The following DCPH1 variants were observed in gnomAD, a reference collection of about 807,000 sequenced individuals.
DCPH1 encodes damage control phosphatase 1.
the DCPH1 span, among the ~76,000 whole-genome samples, chr6:151,462,861 T>C: frequency 6.6e-6 from 1 of 152,180 alleles, no homozygotes; most frequent in African/African-American, 2.4e-5. Flanking sequence ...TAATGAATGG[T>C]TTGTTAATAA....
the DCPH1 span, chr6:151,454,529 G>T: frequency 8.6e-7 from 1 of 1,157,312 alleles, no homozygotes; most frequent in Non-Finnish European, 1.3e-6. Flanking sequence ...GTTATATATT[G>T]CATGTGACTC....
At chr6:151,462,083 G>A in the DCPH1 span, among the ~76,000 whole-genome samples, 2 of 152,178 alleles carry the variant, frequency 1.3e-5, no homozygotes, top group Admixed American at 6.5e-5. Context: ...ACATGCAATA[G>A]TCTGCCAGTC....
At chr6:151,454,253 G>T in the DCPH1 span, among the ~76,000 whole-genome samples, 1 of 152,116 alleles carries the variant, frequency 6.6e-6, no homozygotes, top group African/African-American at 2.4e-5. Context: ...ACTTTGCTAA[G>T]CGAGTTTCTG....
At chr6:151,460,891 A>G in the DCPH1 span, among the ~76,000 whole-genome samples, 1 of 152,174 alleles carries the variant, frequency 6.6e-6, no homozygotes, top group Admixed American at 6.5e-5. Flanking sequence ...GTAACTAGCA[A>G]TGTTCTAGTG....
At chr6:151,469,149 T>C in the DCPH1 span, 1 of 1,520,750 alleles carries the variant, frequency 6.6e-7, no homozygotes, top group East Asian at 2.3e-5. Context: ...AAAGATCTGG[T>C]GAGCACCTTT....
the DCPH1 span, chr6:151,454,451 G>A: frequency 5.9e-6 from 4 of 682,548 alleles, no homozygotes; most frequent in Admixed American, 5.4e-5. Context: ...GTTGTATGAG[G>A]AGTTTAATAT....
chr6:151,456,749 C>G, the DCPH1 span, among the ~76,000 whole-genome samples: 2 of 152,198 alleles, frequency 1.3e-5, no homozygotes, highest in South Asian at 2.1e-4. Context: ...CTCCTAGATT[C>G]CAGCAATTCT....
chr6:151,452,671 T>TC, the DCPH1 span: 1 of 1,364,332 alleles, frequency 7.3e-7, no homozygotes, highest in South Asian at 1.3e-5. Context: ...GGGCGCCCGC[T>TC]CCCCGGTGGG....
the DCPH1 span, chr6:151,468,461 T>C: frequency 1.7e-4 from 277 of 1,613,404 alleles, no homozygotes; most frequent in East Asian, 5.4e-3. Context: ...TTGAATGATA[T>C]GGAACATCTT....
At chr6:151,466,729 A>G in the DCPH1 span, among the ~76,000 whole-genome samples, 1 of 152,150 alleles carries the variant, frequency 6.6e-6, no homozygotes, top group African/African-American at 2.4e-5. Flanking sequence ...GAGGGAATAT[A>G]GACAATGAAG....
the DCPH1 span, among the ~76,000 whole-genome samples, chr6:151,465,771 A>G: frequency 2.0e-5 from 3 of 152,116 alleles, no homozygotes; most frequent in Non-Finnish European, 4.4e-5. Context: ...AGAGTTAGTG[A>G]CATCACCAGA....
chr6:151,453,402 A>G, the DCPH1 span, among the ~76,000 whole-genome samples: 1 of 152,222 alleles, frequency 6.6e-6, no homozygotes, highest in African/African-American at 2.4e-5. Flanking sequence ...TGCCTGGGAA[A>G]ATTCAAGTGA....
the DCPH1 span, among the ~76,000 whole-genome samples, chr6:151,456,456 T>G: frequency 6.6e-6 from 1 of 152,208 alleles, no homozygotes; most frequent in Admixed American, 6.5e-5. Context: ...GGATTACCTG[T>G]TGTTCCTTGT....
At chr6:151,468,805 G>A in the DCPH1 span, 1 of 1,614,236 alleles carries the variant, frequency 6.2e-7, no homozygotes, top group Non-Finnish European at 8.5e-7. Context: ...TCTGCCTCAT[G>A]AGTACTGTGC....
chr6:151,469,196 T>TGGCGGCTCTGTAC, the DCPH1 span: 1 of 1,160,728 alleles, frequency 8.6e-7, no homozygotes, highest in Non-Finnish European at 1.2e-6. Flanking sequence ...TTGAGTCGCC[T>TGGCGGCTCTGTAC]GGCGGCTCTG....
the DCPH1 span, among the ~76,000 whole-genome samples, chr6:151,455,567 T>C: frequency 6.6e-6 from 1 of 152,250 alleles, no homozygotes; most frequent in Admixed American, 6.5e-5. Flanking sequence ...CAAAGCAGTA[T>C]TGCTGCCCGC....
At chr6:151,463,055 G>A in the DCPH1 span, among the ~76,000 whole-genome samples, 7 of 152,114 alleles carry the variant, frequency 4.6e-5, no homozygotes, top group East Asian at 1.2e-3. Flanking sequence ...AGCGGACACC[G>A]AAATTTGAAT....
the DCPH1 span, among the ~76,000 whole-genome samples, chr6:151,458,970 C>T: frequency 6.6e-6 from 1 of 151,882 alleles, no homozygotes; most frequent in Non-Finnish European, 1.5e-5. Context: ...AAACCCGTCT[C>T]TACTAAAAAT....
At chr6:151,465,318 A>G in the DCPH1 span, among the ~76,000 whole-genome samples, 1 of 152,168 alleles carries the variant, frequency 6.6e-6, no homozygotes, top group Non-Finnish European at 1.5e-5. Flanking sequence ...TTTCCAGAAA[A>G]AGTGAGGAAG....
Sources: gnomAD v4.1 joint callset for allele counts (sites outside exome capture counted in the v4.1 genomes callset) on GRCh38, gnomAD v4.1.1 for gene constraint, MANE v1.5 for transcripts, NCBI Gene and HGNC (gene_info 2026-07-23, HGNC 2026-07-21) for gene names.